PSMD1: variants seen among roughly 807,000 people sequenced by gnomAD.
PSMD1 encodes the protein 26S proteasome non-ATPase regulatory subunit 1.
A neutral mutation model predicts 119.0 loss-of-function variants in PSMD1; 18 were observed. That is an observed-to-expected ratio of 0.15 (90% CI 0.10 to 0.22). The LOEUF is 0.22. Ranked by LOEUF, PSMD1 falls within the 10% of genes least tolerant of loss-of-function variation. PSMD1 has a pLI of 1.00. For synonymous variants in PSMD1, 374 were observed against 396.6 expected, an observed-to-expected ratio of 0.94 and a Z score of 0.68; for missense variants, 702 against 1,158.5, an observed-to-expected ratio of 0.61 and a Z score of 5.72.
At chr2:231,127,277 A>G (rs545326386) in intron 16 of PSMD1, among the ~76,000 whole-genome samples, 1 of 151,724 alleles carries the variant, frequency 6.6e-6, no homozygotes, top group Admixed American at 6.6e-5. Flanking sequence ...ACAACAACAA[A>G]AAAAAAAAAA....
intron 18 of PSMD1, among the ~76,000 whole-genome samples, chr2:231,147,784 C>T (rs919856307): frequency 1.3e-5 from 2 of 152,092 alleles, no homozygotes; most frequent in African/African-American, 4.8e-5. Flanking sequence ...AAAAAATTGA[C>T]AACAGAAAAA....
At chr2:231,108,153 GTTTGT>G (rs1695020962) in intron 16 of PSMD1, 1 of 246,854 alleles carries the variant, frequency 4.1e-6, no homozygotes, top group Non-Finnish European at 7.9e-6. Flanking sequence ...CAAGGCTAAT[GTTTGT>G]TTTGTTTTAT....
rs1365027319 is a variant in PSMD1, at chr2:231,062,324, A to G, written c.134+3A>G. 3 of 1,598,532 alleles carry G rather than the reference A, an allele frequency of 1.9e-6. No individual in the cohort carries two copies. The East Asian group carries it at 6.7e-5, about 36-fold the overall frequency. ...ATTTCCGAGTCCGTAGACAAAATGT[A>G]AGAAATTATTTTTATAAATCAGAAT... On this transcript the variant is annotated splice_donor_region_variant and intron_variant, in intron 3 of 24. Coordinates refer to ENST00000308696, the MANE Select transcript of PSMD1 (RefSeq NM_002807.4).
chr2:231,083,257 C>G (rs1403803984), intron 13 of PSMD1, among the ~76,000 whole-genome samples: 1 of 152,186 alleles, frequency 6.6e-6, no homozygotes, highest in Non-Finnish European at 1.5e-5. Context: ...GATCTGCTTA[C>G]TCCATACTGC....
intron 16 of PSMD1, among the ~76,000 whole-genome samples, chr2:231,115,252 A>C (rs1695289831): frequency 2.0e-5 from 3 of 152,244 alleles, no homozygotes; most frequent in Admixed American, 2.0e-4. Flanking sequence ...GTTATTTTCA[A>C]GCATCAAGTA....
intron 19 of PSMD1, among the ~76,000 whole-genome samples, chr2:231,158,436 G>A (rs949138008): frequency 4.6e-5 from 7 of 152,184 alleles, no homozygotes; most frequent in African/African-American, 7.2e-5. Context: ...GAGAAAAGCC[G>A]AAGATAAAGA....
chr2:231,082,846 G>C (rs1694344044), intron 12 of PSMD1, 37 bp from the exon 13 acceptor site: 1 of 1,455,590 alleles, frequency 6.9e-7, no homozygotes, highest in African/African-American at 1.4e-5. Context: ...GTTAAGTACA[G>C]TGTACCAAAT....
chr2:231,062,641 C>T lies in PSMD1; in HGVS notation c.270C>T (p.Val90=), dbSNP rs766545545. 6.2e-7 allele frequency: 1 copy of T among 1,611,486 alleles called. No homozygotes were observed. Among genetic ancestry groups the T allele is most frequent in the Non-Finnish European group, 8.5e-7 (1 of 1,178,968 alleles). Residue 90 remains valine (V), a synonymous_variant, in exon 4 of 25, where the codon GTC becomes GTT. Coordinates refer to ENST00000308696, the MANE Select transcript of PSMD1 (RefSeq NM_002807.4). ...TTGGAGCAGGGGACCTCTTCAATGT[C>T]AATGATAACTCTGAATATGTGGAAA... ...YALGAGDLFN[V]NDNSEYVETI...
chr2:231,169,087 A>AC (rs79877344), intron 23 of PSMD1, among the ~76,000 whole-genome samples: 12,583 of 152,188 alleles, frequency 0.083, 657 homozygotes, highest in South Asian at 0.21. Context: ...GCATTAACAA[A>AC]CCTAGACCAT....
intron 17 of PSMD1, among the ~76,000 whole-genome samples, chr2:231,143,852 GATAA>G (rs1271498292): frequency 6.6e-6 from 1 of 152,162 alleles, no homozygotes; most frequent in Non-Finnish European, 1.5e-5. Context: ...GGGAAATACT[GATAA>G]ATATTTTGGA....
rs1694255267 is a variant in PSMD1, at chr2:231,079,518, C to T, written c.1161-18C>T. The T allele has an allele frequency of 1.3e-6, 2 of 1,550,090 alleles. No homozygotes were observed. Among genetic ancestry groups the T allele is most frequent in the East Asian group, 2.3e-5 (1 of 44,368 alleles). On this transcript the variant is annotated intron_variant, in intron 10 of 24. Transcript: ENST00000308696. ...ATTTGTTTTAACACTAATTAAAATA[C>T]ATCATCTTTTTTTACAGAGATAATT...
chr2:231,151,194 C>T (rs1462999077), intron 18 of PSMD1, among the ~76,000 whole-genome samples: 2 of 151,818 alleles, frequency 1.3e-5, no homozygotes, highest in Admixed American at 6.6e-5. Flanking sequence ...GGGGGGAGAC[C>T]ATACTATTCA....
intron 16 of PSMD1, chr2:231,109,444 T>G: frequency 6.4e-7 from 1 of 1,564,818 alleles, no homozygotes; most frequent in Non-Finnish European, 8.8e-7. Flanking sequence ...ATTGAGTCAT[T>G]TTATGACCTG....
In PSMD1 at chr2:231,136,961, ATATATATAT is replaced by A. The variant is rs1015135904; in HGVS notation, c.1884-1759_1884-1751del. ...AATATATATTATATTTACATATAGT[ATATATATAT>A]TATATATATTATATAATTATAATAT... On this transcript the variant is annotated intron_variant, in intron 16 of 24. Transcript: ENST00000308696. Among the ~76,000 whole-genome samples, 601 of 142,186 alleles carry A rather than the reference ATATATATAT, an allele frequency of 4.2e-3. 5 individuals are homozygous for A. The highest frequency in any genetic ancestry group is 0.015 in the African/African-American group (573 of 37,476). The allele number at this position is 142,186 out of a possible 152,430, so 93.3% of individuals were successfully genotyped here. A position where few individuals can be genotyped will look rare whatever the true frequency, so the allele number is the denominator to read the frequency against.
At chr2:231,108,604 A>C (rs1171442335) in intron 16 of PSMD1, 1 of 1,613,856 alleles carries the variant, frequency 6.2e-7, no homozygotes, top group Non-Finnish European at 8.5e-7. Context: ...ATGAAGACTG[A>C]ATGGTTGAAC....
Position 231,061,281 on chromosome 2 carries a change from C to T in PSMD1, c.31C>T (p.Leu11Phe). The change falls in exon 2 of 25, where the codon CTT becomes TTT. Residue 11 changes from leucine (L) to phenylalanine (F), a missense_variant. Coordinates refer to ENST00000308696, the MANE Select transcript of PSMD1 (RefSeq NM_002807.4). The stretch of plus-strand genomic sequence containing the variant: ...TTTTCTCATAGCTGGAATTATTTCT[C>T]TTCTGGATGAAGATGAACCACAGCT... Reference protein sequence around the residue: MITSAAGIISLLDEDEPQLKE... With the variant: MITSAAGIISFLDEDEPQLKE... 2 of 1,596,164 alleles carry T rather than the reference C, an allele frequency of 1.3e-6. No individual in the cohort carries two copies. The highest frequency in any genetic ancestry group is 1.7e-6 in the Non-Finnish European group (2 of 1,166,032).
At chr2:231,158,943 T>A (rs1696572406) in intron 19 of PSMD1, among the ~76,000 whole-genome samples, 1 of 152,168 alleles carries the variant, frequency 6.6e-6, no homozygotes, top group Non-Finnish European at 1.5e-5. Flanking sequence ...GGCCTTTTTT[T>A]CAGATGAAAA....
intron 16 of PSMD1, among the ~76,000 whole-genome samples, chr2:231,135,024 A>G (rs1429517343): frequency 6.6e-6 from 1 of 152,334 alleles, no homozygotes; most frequent in Non-Finnish European, 1.5e-5. Flanking sequence ...ATTATGGGAG[A>G]CAGAAAATAT....
chr2:231,155,774 A>C (rs996826002), intron 19 of PSMD1, among the ~76,000 whole-genome samples: 2 of 151,908 alleles, frequency 1.3e-5, no homozygotes, highest in Non-Finnish European at 2.9e-5. Context: ...TCTGGTTAAA[A>C]TTTTAATATT....
Sources: allele counts gnomAD v4.1 joint callset (sites outside exome capture counted in the v4.1 genomes callset), GRCh38; gene constraint gnomAD v4.1.1; transcripts MANE v1.5; gene names NCBI Gene and HGNC (gene_info 2026-07-23, HGNC 2026-07-21).